The following SATB2 variants were observed in gnomAD, a reference collection of about 807,000 sequenced individuals.
The protein encoded by SATB2 is SATB homeobox 2.
Under a neutral mutation model 73.4 loss-of-function variants are expected in SATB2, and 1 was observed. The ratio of observed to expected loss-of-function variants is 0.01; its 90% CI spans 0.00 to 0.06. The LOEUF (loss-of-function observed/expected upper bound fraction) is 0.06, where lower values mean the gene tolerates loss of function less well. Ranked by LOEUF, SATB2 falls within the 10% of genes least tolerant of loss-of-function variation. The pLI is 1.00. For missense variants in SATB2, 459 were observed against 945.8 expected, an observed-to-expected ratio of 0.49 and a Z score of 6.75; for synonymous variants, 397 against 367.0, an observed-to-expected ratio of 1.08 and a Z score of -0.93.
intron 7 of SATB2, among the ~76,000 whole-genome samples, chr2:199,344,613 A>T (rs557361195): frequency 1.3e-5 from 2 of 152,242 alleles, no homozygotes; most frequent in Admixed American, 6.5e-5. Context: ...TCAGCACCAA[A>T]CCTCAAACAG....
chr2:199,390,692 A>G (rs1690103489), intron 3 of SATB2, among the ~76,000 whole-genome samples: 1 of 152,206 alleles, frequency 6.6e-6, no homozygotes, highest in African/African-American at 2.4e-5. Context: ...TGAAGGTCTA[A>G]GAATACAGTT....
chr2:199,450,991 T>C (rs910628331), intron 2 of SATB2, among the ~76,000 whole-genome samples: 1 of 152,024 alleles, frequency 6.6e-6, no homozygotes, highest in Non-Finnish European at 1.5e-5. Context: ...ATCTCATATG[T>C]ACAGACTTTG....
rs572471288 is a variant in SATB2 at position 199,377,619 on chromosome 2, G to A, written c.597+2745C>T. ...GAAGAGGGAAGAAGGTAGCTCTAGT[G>A]AAATATAAGGCTGAACAGTGTCATC... On this transcript the variant is annotated intron_variant, in intron 5 of 10. Transcript: ENST00000417098. Among the ~76,000 whole-genome samples the A allele has an allele frequency of 2.0e-3, 300 of 152,240 alleles. 3 individuals carry two copies. The highest frequency in any genetic ancestry group is 6.7e-3 in the African/African-American group (279 of 41,540).
chr2:199,449,985 G>A (rs775152734), intron 2 of SATB2, among the ~76,000 whole-genome samples: 1 of 151,998 alleles, frequency 6.6e-6, no homozygotes, highest in African/African-American at 2.4e-5. Flanking sequence ...TCTCCTACTC[G>A]AAACCATTTT....
chr2:199,277,091 G>T (rs1167142806), intron 10 of SATB2, among the ~76,000 whole-genome samples: 2 of 152,140 alleles, frequency 1.3e-5, no homozygotes, highest in Admixed American at 6.6e-5. Context: ...TTATGTGAAA[G>T]AATAGGAAAA....
intron 2 of SATB2, among the ~76,000 whole-genome samples, chr2:199,452,724 C>G (rs924205980): frequency 1.3e-5 from 2 of 151,980 alleles, no homozygotes; most frequent in Non-Finnish European, 2.9e-5. Flanking sequence ...CTTGCTAGCT[C>G]TAAACTCTCT....
intron 2 of SATB2, among the ~76,000 whole-genome samples, chr2:199,436,843 AAGAGAGAG>A (rs36011191): frequency 1.3e-5 from 2 of 148,814 alleles, no homozygotes; most frequent in South Asian, 2.1e-4. Flanking sequence ...TATGCCAAGA[AAGAGAGAG>A]AGAGAGAGAG....
chr2:199,328,288 C>T (rs932138770), intron 8 of SATB2, among the ~76,000 whole-genome samples: 2 of 152,158 alleles, frequency 1.3e-5, no homozygotes, highest in Non-Finnish European at 2.9e-5. Context: ...CGCCTGTAAT[C>T]CCAGCACTTT....
rs76599518 is a variant in SATB2 at position 199,309,345 on chromosome 2, A to G, written c.1543-388T>C. 4.3e-4 allele frequency among the ~76,000 whole-genome samples: 66 copies of G among 152,394 alleles called. 1 individual carries two copies. The highest frequency in any genetic ancestry group is 1.5e-3 in the African/African-American group (62 of 41,596). On this transcript the variant is annotated intron_variant, in intron 9 of 10. Transcript: ENST00000417098. ...TAAGAGTGAAGATAAACAAATATGC[A>G]TAACAGGACAGCAAATTCTAAAAAA...
intron 9 of SATB2, among the ~76,000 whole-genome samples, chr2:199,310,524 T>G (rs1322349130): frequency 6.6e-6 from 1 of 152,182 alleles, no homozygotes; most frequent in African/African-American, 2.4e-5. Context: ...GTTTTAAAAA[T>G]CTAGTCCCCA....
intron 2 of SATB2, among the ~76,000 whole-genome samples, chr2:199,440,106 AAAT>A (rs899763660): frequency 1.3e-5 from 2 of 152,060 alleles, no homozygotes; most frequent in Admixed American, 6.5e-5. Flanking sequence ...ACTCTGCCTC[AAAT>A]AATAATAATA....
At chr2:199,356,225 C>CAAAAAAAAAAAA (rs200509001) in intron 6 of SATB2, among the ~76,000 whole-genome samples, 6 of 100,968 alleles carry the variant, frequency 5.9e-5, no homozygotes, top group African/African-American at 1.5e-4. Context: ...GAACATAAGC[C>CAAAAAAAAAAAA]AAAAAAAAAA....
chr2:199,383,588 TG>T (rs993414364), intron 3 of SATB2, among the ~76,000 whole-genome samples: 2 of 151,992 alleles, frequency 1.3e-5, no homozygotes, highest in Non-Finnish European at 2.9e-5. Context: ...TATGACAGAA[TG>T]GGGGGGAATG....
chr2:199,293,055 T>C (rs552005841), intron 10 of SATB2, among the ~76,000 whole-genome samples: 1 of 152,188 alleles, frequency 6.6e-6, no homozygotes, highest in Non-Finnish European at 1.5e-5. Context: ...CAAAATGAAA[T>C]ACCACATTTG....
intron 6 of SATB2, among the ~76,000 whole-genome samples, chr2:199,355,342 G>GTATATATATATA (rs1249092587): frequency 1.8e-4 from 1 of 5,418 alleles, no homozygotes; most frequent in Non-Finnish European, 5.6e-3. Flanking sequence ...GTGTGTGTGT[G>GTATATATATATA]TGTATCTATA....
intron 3 of SATB2, among the ~76,000 whole-genome samples, chr2:199,393,779 G>A (rs1252046443): frequency 6.6e-6 from 1 of 151,964 alleles, no homozygotes; most frequent in East Asian, 1.9e-4. Flanking sequence ...TTGTTTCTCA[G>A]GAAGGGCTCA....
At chr2:199,454,570 A>T (rs987991090) in intron 2 of SATB2, among the ~76,000 whole-genome samples, 2 of 152,132 alleles carry the variant, frequency 1.3e-5, no homozygotes, top group African/African-American at 4.8e-5. Flanking sequence ...TTCAAGTCCC[A>T]AAAAGGGGAG....
chr2:199,383,432 T>C (rs1689835859), intron 3 of SATB2, among the ~76,000 whole-genome samples: 2 of 152,182 alleles, frequency 1.3e-5, no homozygotes, highest in South Asian at 4.1e-4. Context: ...CATTTGCAAA[T>C]ACTAAAAAGA....
chr2:199,462,646 C>G (rs73984357), upstream of SATB2, among the ~76,000 whole-genome samples: 25 of 152,322 alleles, frequency 1.6e-4, no homozygotes, highest in African/African-American at 5.8e-4. This position sits in a 1 kb window ranked among gnomAD's most constrained non-coding sequence, Gnocchi z 5.9. Flanking sequence ...CTGGCTCCCC[C>G]GGCAGCTCAG....
Sources: allele counts gnomAD v4.1 joint callset (sites outside exome capture counted in the v4.1 genomes callset), GRCh38; gene constraint gnomAD v4.1.1; non-coding constraint Gnocchi (gnomAD v3.1); transcripts MANE v1.5; gene names NCBI Gene and HGNC (gene_info 2026-07-23, HGNC 2026-07-21).